SYNPR: variants seen among roughly 807,000 people sequenced by gnomAD.
SYNPR encodes synaptoporin.
Under a neutral mutation model 32.9 loss-of-function variants are expected in SYNPR, and 23 were observed. The ratio of observed to expected loss-of-function variants is 0.70; its 90% CI spans 0.50 to 0.99. SYNPR has a LOEUF of 0.99. Among genes scored for constraint, SYNPR ranks in the 50% least tolerant of loss-of-function variants. The pLI, the probability that SYNPR is intolerant of heterozygous loss-of-function variation, is 0.00. For synonymous variants in SYNPR, 146 were observed against 135.9 expected, an observed-to-expected ratio of 1.07 and a Z score of -0.52; for missense variants, 318 against 349.3, an observed-to-expected ratio of 0.91 and a Z score of 0.71.
At chr3:63,207,420 G>A in the SYNPR span, among the ~76,000 whole-genome samples, 4 of 152,172 alleles carry the variant, frequency 2.6e-5, no homozygotes, top group African/African-American at 7.2e-5. Context: ...GGTTTGACTA[G>A]CTCATGAAGG....
At chr3:63,470,649 TTC>T (rs1463592806) in intron 2 of SYNPR, among the ~76,000 whole-genome samples, 1 of 152,186 alleles carries the variant, frequency 6.6e-6, no homozygotes, top group Non-Finnish European at 1.5e-5. Flanking sequence ...TCTCATCAGT[TTC>T]TGTGTCAGAC....
intron 3 of SYNPR, among the ~76,000 whole-genome samples, chr3:63,519,730 G>C (rs970468241): frequency 1.3e-5 from 2 of 152,182 alleles, no homozygotes; most frequent in Non-Finnish European, 2.9e-5. Context: ...CTGATGCTAA[G>C]CAGTAACATG....
chr3:63,376,990 C>G (rs538606940), intron 2 of SYNPR, among the ~76,000 whole-genome samples: 1 of 152,094 alleles, frequency 6.6e-6, no homozygotes, highest in African/African-American at 2.4e-5. Context: ...CAGTGAGTTT[C>G]ATGCCTTACA....
chr3:63,306,678 GCT>G (rs1463775669), intron 2 of SYNPR, among the ~76,000 whole-genome samples: 1 of 151,954 alleles, frequency 6.6e-6, no homozygotes, highest in African/African-American at 2.4e-5. Context: ...ATCAATCAAA[GCT>G]CTCTCTCCCT....
At chr3:63,232,008 A>G (rs796891644) in intron 1 of SYNPR, among the ~76,000 whole-genome samples, 1 of 152,074 alleles carries the variant, frequency 6.6e-6, no homozygotes, top group Admixed American at 6.6e-5. Context: ...CAAACCTGTG[A>G]TCAAGATGAA....
chr3:63,406,140 G>A (rs1396602248), intron 2 of SYNPR, among the ~76,000 whole-genome samples: 2 of 151,514 alleles, frequency 1.3e-5, no homozygotes, highest in Non-Finnish European at 2.9e-5. Context: ...GGAAATCAAT[G>A]TTAGAGAACA....
At chr3:63,543,656 T>G (rs111598319) in intron 3 of SYNPR, among the ~76,000 whole-genome samples, 1,911 of 152,232 alleles carry the variant, frequency 0.013, 37 homozygotes, top group African/African-American at 0.044. Context: ...CAGTCTTTCC[T>G]ATCAAACCCT....
At chr3:63,224,111 T>C (rs1236100053), upstream of SYNPR, among the ~76,000 whole-genome samples, 1 of 152,218 alleles carries the variant, frequency 6.6e-6, no homozygotes, top group African/African-American at 2.4e-5. Flanking sequence ...TATAACAGAA[T>C]GGACCAGTAC....
At chr3:63,584,062 G>A (rs1356379962) in intron 4 of SYNPR, among the ~76,000 whole-genome samples, 20 of 152,094 alleles carry the variant, frequency 1.3e-4, no homozygotes, top group Non-Finnish European at 8.8e-5. Flanking sequence ...ATTTGCGGGT[G>A]TGGAGGCATT....
chr3:63,313,992 TATATATATATATCC>T lies in SYNPR; in HGVS notation c.84+35277_84+35290del, dbSNP rs1439479806. 2.7e-4 allele frequency among the ~76,000 whole-genome samples: 2 copies of T among 7,488 alleles called. 1 individual carries two copies. The highest frequency in any genetic ancestry group is 5.3e-4 in the African/African-American group (2 of 3,758). The allele number at this position is 7,488 out of a possible 152,430, so 4.9% of individuals were successfully genotyped here. A position where few individuals can be genotyped will look rare whatever the true frequency, so the allele number is the denominator to read the frequency against. On this transcript the variant is annotated intron_variant, in intron 2 of 5. Coordinates refer to ENST00000478300, the MANE Select transcript of SYNPR (RefSeq NM_001130003.2). ...ATATATCCATATATATATATATCCA[TATATATATATATCC>T]ATATATATATATCCATATATATATA...
chr3:63,226,960 A>C (rs1348737736), upstream of SYNPR, among the ~76,000 whole-genome samples: 1 of 152,240 alleles, frequency 6.6e-6, no homozygotes, highest in Non-Finnish European at 1.5e-5. Flanking sequence ...GCATGTAAAA[A>C]ATACTCACAT....
chr3:63,362,164 T>G (rs1001298086), intron 2 of SYNPR, among the ~76,000 whole-genome samples: 1 of 152,222 alleles, frequency 6.6e-6, no homozygotes, highest in African/African-American at 2.4e-5. Flanking sequence ...GGTGAAGCCA[T>G]GCTCACTCTG....
rs182569781 is a variant in SYNPR, at chr3:63,259,388, C to T, written n.154+6802C>T. ...AGCTTATCCACCATGATCAAGTGGG[C>T]TTCATCCCTGGGATGCAAGGCTGGC... On this transcript the variant is annotated intron_variant and non_coding_transcript_variant, in intron 2 of 4. Coordinates refer to the SYNPR transcript ENST00000478456. 1.2e-4 allele frequency among the ~76,000 whole-genome samples: 19 copies of T among 152,298 alleles called. No individual in the cohort carries two copies. In the East Asian group the frequency reaches 3.7e-3, roughly 29 times the overall value.
chr3:63,257,572 T>C (rs889102164), intron 2 of SYNPR, among the ~76,000 whole-genome samples: 20 of 152,228 alleles, frequency 1.3e-4, no homozygotes, highest in Admixed American at 1.1e-3. Context: ...AAGGAAGCAC[T>C]AAACATGGAA....
At chr3:63,273,507 C>T (rs1183142166), upstream of SYNPR, among the ~76,000 whole-genome samples, 1 of 152,016 alleles carries the variant, frequency 6.6e-6, no homozygotes, top group Non-Finnish European at 1.5e-5. Context: ...ATTACTGTTG[C>T]TATTATTATT....
At chr3:63,411,129 A>C (rs1298879929) in intron 2 of SYNPR, among the ~76,000 whole-genome samples, 1 of 152,156 alleles carries the variant, frequency 6.6e-6, no homozygotes, top group African/African-American at 2.4e-5. Flanking sequence ...GTGGAAACTG[A>C]ATCAGAAAAG....
intron 3 of SYNPR, among the ~76,000 whole-genome samples, chr3:63,482,777 A>G (rs74547913): frequency 6.6e-6 from 1 of 152,112 alleles, no homozygotes; most frequent in African/African-American, 2.4e-5. Context: ...TGCAATTTCA[A>G]TTTTACATTT....
intron 4 of SYNPR, among the ~76,000 whole-genome samples, chr3:63,578,018 A>C (rs1292936406): frequency 1.3e-5 from 2 of 152,198 alleles, no homozygotes; most frequent in Non-Finnish European, 2.9e-5. Context: ...GGCTTACTAC[A>C]TGACAGACAC....
intron 3 of SYNPR, among the ~76,000 whole-genome samples, chr3:63,509,348 A>G (rs1242840539): frequency 6.6e-6 from 1 of 151,092 alleles, no homozygotes; most frequent in East Asian, 1.9e-4. Context: ...TTATATATAT[A>G]CACACATGTA....
Sources: gnomAD v4.1 joint callset for allele counts (sites outside exome capture counted in the v4.1 genomes callset) on GRCh38, gnomAD v4.1.1 for gene constraint, MANE v1.5 for transcripts, NCBI Gene and HGNC (gene_info 2026-07-23, HGNC 2026-07-21) for gene names.